Variants in HSD11B1 observed in about 807,000 individuals in gnomAD.
The protein encoded by HSD11B1 is hydroxysteroid 11-beta dehydrogenase 1.
Under a neutral mutation model 22.1 loss-of-function variants are expected in HSD11B1, and 15 were observed. That is an observed-to-expected ratio of 0.68 (90% CI 0.45 to 1.04). HSD11B1 has a LOEUF of 1.04. HSD11B1 is among the 50% of genes least tolerant of loss of function. HSD11B1 has a pLI of 0.00. For synonymous variants in HSD11B1, 122 were observed against 125.2 expected, an observed-to-expected ratio of 0.97 and a Z score of 0.17; for missense variants, 281 against 357.6, an observed-to-expected ratio of 0.79 and a Z score of 1.73.
At chr1:209,702,371 G>A (rs1017408434), upstream of HSD11B1, among the ~76,000 whole-genome samples, 1 of 152,150 alleles carries the variant, frequency 6.6e-6, no homozygotes, top group Non-Finnish European at 1.5e-5. Flanking sequence ...AGGCTAGTGG[G>A]AAATGGAAAG....
intron 4 of HSD11B1, among the ~76,000 whole-genome samples, chr1:209,725,933 GTTA>G (rs950013937): frequency 2.3e-4 from 35 of 152,294 alleles, no homozygotes; most frequent in African/African-American, 7.7e-4. Context: ...GTAGCCATAT[GTTA>G]TTATGTTACA....
intron 1 of HSD11B1, among the ~76,000 whole-genome samples, chr1:209,687,828 C>T (rs1043248372): frequency 3.4e-4 from 51 of 152,070 alleles, no homozygotes; most frequent in Admixed American, 3.3e-3. Context: ...AAGATTTCCC[C>T]AATAGTTTAG....
At chr1:209,732,330 C>A in intron 4 of HSD11B1, 106 bp from the exon 5 acceptor site, 1 of 1,216,218 alleles carries the variant, frequency 8.2e-7, no homozygotes, top group Non-Finnish European at 1.2e-6. Context: ...GAAACTAAGA[C>A]TCAAAGGGGT....
chr1:209,725,692 C>T (rs2076996188), intron 4 of HSD11B1, among the ~76,000 whole-genome samples: 1 of 152,056 alleles, frequency 6.6e-6, no homozygotes, highest in Non-Finnish European at 1.5e-5. Context: ...CACTCATTCT[C>T]AAAACCCACT....
chr1:209,717,095 A>C (rs561031205), intron 4 of HSD11B1, among the ~76,000 whole-genome samples: 4 of 152,330 alleles, frequency 2.6e-5, no homozygotes, highest in Non-Finnish European at 5.9e-5. Flanking sequence ...AAAAGGAAAC[A>C]ATCAACAGAG....
chr1:209,733,360 T>C (rs917617959), intron 5 of HSD11B1, among the ~76,000 whole-genome samples: 1 of 152,138 alleles, frequency 6.6e-6, no homozygotes, highest in Admixed American at 6.5e-5. Flanking sequence ...GTCAGTATTC[T>C]TCAAAAGTGT....
At chr1:209,710,268 C>G (rs987069665) in intron 4 of HSD11B1, among the ~76,000 whole-genome samples, 9 of 152,182 alleles carry the variant, frequency 5.9e-5, no homozygotes, top group Non-Finnish European at 1.3e-4. Context: ...TTTTCGGGCT[C>G]CTGGGCTTGG....
upstream of HSD11B1, among the ~76,000 whole-genome samples, chr1:209,704,419 T>C (rs1558189454): frequency 1.3e-5 from 2 of 151,690 alleles, no homozygotes; most frequent in African/African-American, 4.8e-5. Flanking sequence ...ATTTTGCTGT[T>C]TTGTGCTGTT....
chr1:209,699,496 A>G (rs914194905), intron 1 of HSD11B1, among the ~76,000 whole-genome samples: 2 of 152,062 alleles, frequency 1.3e-5, no homozygotes, highest in African/African-American at 4.8e-5. Flanking sequence ...ACTGGCCCCC[A>G]TGATTCAATT....
At chr1:209,694,200 T>C (rs2076777466) in intron 1 of HSD11B1, among the ~76,000 whole-genome samples, 1 of 152,210 alleles carries the variant, frequency 6.6e-6, no homozygotes, top group Non-Finnish European at 1.5e-5. Flanking sequence ...TCTTCTGAGT[T>C]CCAAATACCT....
At chr1:209,703,904 T>C (rs1420576173), upstream of HSD11B1, among the ~76,000 whole-genome samples, 2 of 152,236 alleles carry the variant, frequency 1.3e-5, no homozygotes, top group East Asian at 3.8e-4. Context: ...GATTATTCCT[T>C]AATGAATTCG....
chr1:209,690,064 C>T (rs1224333212), intron 1 of HSD11B1, among the ~76,000 whole-genome samples: 2 of 152,186 alleles, frequency 1.3e-5, no homozygotes, highest in African/African-American at 4.8e-5. Flanking sequence ...GCCTATAATC[C>T]CAGCAGTTTG....
chr1:209,717,409 T>C (rs1422314482), intron 4 of HSD11B1, among the ~76,000 whole-genome samples: 1 of 152,132 alleles, frequency 6.6e-6, no homozygotes, highest in Non-Finnish European at 1.5e-5. Context: ...GCAGATACTA[T>C]TGTGGATGCA....
At chr1:209,723,246 A>G (rs1421425792) in intron 4 of HSD11B1, among the ~76,000 whole-genome samples, 6 of 152,084 alleles carry the variant, frequency 3.9e-5, no homozygotes, top group Non-Finnish European at 8.8e-5. Flanking sequence ...CTCCCACATA[A>G]GCCAAAACTT....
intron 4 of HSD11B1, among the ~76,000 whole-genome samples, chr1:209,718,211 G>A (rs2076942387): frequency 6.6e-6 from 1 of 152,088 alleles, no homozygotes; most frequent in South Asian, 2.1e-4. Flanking sequence ...ACTATGTATT[G>A]TACATTTCAA....
intron 4 of HSD11B1, among the ~76,000 whole-genome samples, chr1:209,711,341 G>C (rs976585466): frequency 2.9e-4 from 44 of 152,222 alleles, no homozygotes; most frequent in African/African-American, 1.1e-3. Flanking sequence ...TGGGGGTGGG[G>C]GGATCCCAAA....
upstream of HSD11B1, among the ~76,000 whole-genome samples, chr1:209,703,637 A>T (rs931351451): frequency 6.6e-6 from 1 of 152,082 alleles, no homozygotes; most frequent in Non-Finnish European, 1.5e-5. Context: ...AAATTTGATG[A>T]ATGTTTCCAG....
At chr1:209,705,177 C>CCAGCTA in intron 1 of HSD11B1, 147 bp downstream of exon 1, 1 of 724,430 alleles carries the variant, frequency 1.4e-6, no homozygotes. Flanking sequence ...TTTGTGTCCT[C>CCAGCTA]CAGCTACAGG....
At chr1:209,695,502 T>G (rs991484409) in intron 1 of HSD11B1, among the ~76,000 whole-genome samples, 1 of 152,132 alleles carries the variant, frequency 6.6e-6, no homozygotes, top group Non-Finnish European at 1.5e-5. Flanking sequence ...GGAGAACAGT[T>G]TGGCAGTTTC....
Sources: allele counts gnomAD v4.1 joint callset (sites outside exome capture counted in the v4.1 genomes callset), GRCh38; gene constraint gnomAD v4.1.1; transcripts MANE v1.5; gene names NCBI Gene and HGNC (gene_info 2026-07-23, HGNC 2026-07-21).